Variants in TOGARAM2 observed in about 807,000 individuals in gnomAD.
The protein encoded by TOGARAM2 is TOG array regulator of axonemal microtubules 2, also known as TOG array regulator of axonemal microtubules protein 2.
Under a neutral mutation model 93.3 loss-of-function variants are expected in TOGARAM2, and 85 were observed. The observed-to-expected ratio is 0.91, with a 90% CI of 0.76 to 1.09. The LOEUF is 1.09. Among genes scored for constraint, TOGARAM2 ranks in the 50% least tolerant of loss-of-function variants. The probability of loss-of-function intolerance (pLI) is 0.00; values close to 1 mark genes in which losing one functional copy is unlikely to be tolerated. For synonymous variants in TOGARAM2, 593 were observed against 552.8 expected, an observed-to-expected ratio of 1.07 and a Z score of -1.02; for missense variants, 1,277 against 1,334.5, an observed-to-expected ratio of 0.96 and a Z score of 0.67.
chr2:28,959,490 A>G (rs1671771200), intron 1 of TOGARAM2, among the ~76,000 whole-genome samples: 1 of 152,228 alleles, frequency 6.6e-6, no homozygotes, highest in South Asian at 2.1e-4. Flanking sequence ...GCGGTGGCTC[A>G]TGCCTGTAAT....
At chr2:28,976,131 G>A (rs1299011237) in intron 1 of TOGARAM2, among the ~76,000 whole-genome samples, 1 of 152,216 alleles carries the variant, frequency 6.6e-6, no homozygotes, top group Non-Finnish European at 1.5e-5. Context: ...AGCACTTTGG[G>A]AGGCCGAGGT....
At position 29,014,406 on chromosome 2, in the gene TOGARAM2, T is replaced by C. The variant is rs754011890; in HGVS notation, c.889T>C (p.Leu297=). ...KTPASLEPKP[L]ASPIRDRPAA... is the part of the protein sequence containing the mutation. The stretch of plus-strand genomic sequence containing the variant: ...TCTCAACCCCTCAGAGCCAAAACCT[T>C]TGGCCTCACCCATCAGAGACAGGCC... The change falls in exon 8 of 20, where the codon TTG becomes CTG. Residue 297 remains leucine (L), a synonymous_variant. Coordinates refer to ENST00000379558, the MANE Select transcript of TOGARAM2 (RefSeq NM_199280.4). 28 of 1,610,564 alleles carry C rather than the reference T, an allele frequency of 1.7e-5. No individual in the cohort carries two copies. The South Asian group carries it at 3.1e-4, about 18-fold the overall frequency.
intron 10 of TOGARAM2, among the ~76,000 whole-genome samples, chr2:29,019,584 C>G (rs924146605): frequency 6.6e-6 from 1 of 152,198 alleles, no homozygotes; most frequent in African/African-American, 2.4e-5. Flanking sequence ...TAGACTGAGA[C>G]TTTGGCTAGT....
chr2:28,993,995 T>C (rs1245841577), intron 1 of TOGARAM2, among the ~76,000 whole-genome samples: 1 of 152,220 alleles, frequency 6.6e-6, no homozygotes, highest in African/African-American at 2.4e-5. Flanking sequence ...AGCACCTCTG[T>C]TACCTGTCAG....
At chr2:28,964,546 G>A (rs754010207) in intron 1 of TOGARAM2, among the ~76,000 whole-genome samples, 9 of 150,910 alleles carry the variant, frequency 6.0e-5, no homozygotes. Flanking sequence ...ATAGGTAAAC[G>A]TGTGCCACGG....
chr2:29,000,972 A>G (rs1342327908), intron 4 of TOGARAM2, among the ~76,000 whole-genome samples: 1 of 152,206 alleles, frequency 6.6e-6, no homozygotes, highest in Admixed American at 6.5e-5. Context: ...AAGTTCCAGC[A>G]TAGGGAAAAA....
chr2:29,028,795 C>T (rs1665568088), intron 14 of TOGARAM2, among the ~76,000 whole-genome samples: 3 of 152,150 alleles, frequency 2.0e-5, no homozygotes, highest in African/African-American at 7.2e-5. Context: ...CAACAGGATG[C>T]AGGTGGTAAG....
At chr2:28,961,571 T>C (rs1395193340) in intron 1 of TOGARAM2, among the ~76,000 whole-genome samples, 19 of 152,044 alleles carry the variant, frequency 1.2e-4, no homozygotes, top group Non-Finnish European at 2.2e-4. Context: ...GAACTCCTGA[T>C]CTCAAGTGAT....
At position 28,993,720 on chromosome 2, in the gene TOGARAM2, G is replaced by A. The variant is rs73922931; in HGVS notation, c.-110-1005G>A. Among the ~76,000 whole-genome samples the A allele has an allele frequency of 2.9e-3, 448 of 152,268 alleles. 2 individuals carry two copies. The highest frequency in any genetic ancestry group is 9.9e-3 in the African/African-American group (412 of 41,564). ...GCTGGGCTGGGTGCTGTGCTGGGCC[G>A]GGCACTGGGCTGGACACCTGTGTTT... On this transcript the variant is annotated intron_variant, in intron 1 of 19. Coordinates refer to ENST00000379558, the MANE Select transcript of TOGARAM2 (RefSeq NM_199280.4).
At chr2:29,050,406 T>C (rs1413750610) in intron 19 of TOGARAM2, 8 of 152,190 alleles carry the variant, frequency 5.3e-5, no homozygotes, top group African/African-American at 1.9e-4. Context: ...CTCTGAAATA[T>C]GGAATCCCTA....
At chr2:29,045,272 C>A in intron 18 of TOGARAM2, 52 bp from the exon 19 acceptor site, 3 of 1,475,194 alleles carry the variant, frequency 2.0e-6, no homozygotes, top group Non-Finnish European at 1.9e-6. Flanking sequence ...ACCCCTAGTG[C>A]TGTCACTCAG....
rs542382174 is a variant in TOGARAM2, at chr2:28,975,616, C to T, written c.-147+18919C>T. The stretch of plus-strand genomic sequence containing the variant: ...AATCCTCAAATCTGTGTCATCTGGG[C>T]GCTGCATCATTGATTGCCTCTTCTC... On this transcript the variant is annotated intron_variant, in intron 1 of 6. Coordinates refer to the TOGARAM2 transcript ENST00000401723. Among the ~76,000 whole-genome samples, 9 of 152,278 alleles carry T rather than the reference C, an allele frequency of 5.9e-5. No individual in the cohort carries two copies. In the East Asian group the frequency reaches 9.6e-4, roughly 16 times the overall value.
intron 1 of TOGARAM2, among the ~76,000 whole-genome samples, chr2:28,965,776 G>A (rs1251585734): frequency 1.3e-5 from 2 of 152,054 alleles, no homozygotes; most frequent in Non-Finnish European, 2.9e-5. Flanking sequence ...AACTGTTCTG[G>A]ATTCCAATAT....
chr2:28,977,566 C>T (rs903705948), upstream of TOGARAM2, among the ~76,000 whole-genome samples: 11 of 152,242 alleles, frequency 7.2e-5, no homozygotes, highest in South Asian at 2.1e-4. Context: ...GTTGCAGGGG[C>T]GGGGGCTTCT....
At chr2:29,033,630 A>G (rs2148372653) in intron 16 of TOGARAM2, 67 bp downstream of exon 16, 2 of 1,503,072 alleles carry the variant, frequency 1.3e-6, no homozygotes, top group Non-Finnish European at 1.8e-6. Context: ...CTGCTTGTCC[A>G]TGGCCAGGGG....
At chr2:29,041,634 C>G (rs1666444944) in intron 18 of TOGARAM2, among the ~76,000 whole-genome samples, 1 of 152,138 alleles carries the variant, frequency 6.6e-6, no homozygotes, top group South Asian at 2.1e-4. Context: ...GTGTAAGGCC[C>G]CTTAGACCTC....
intron 1 of TOGARAM2, among the ~76,000 whole-genome samples, chr2:28,994,286 G>C (rs1672881081): frequency 6.6e-6 from 1 of 152,072 alleles, no homozygotes; most frequent in Non-Finnish European, 1.5e-5. Context: ...CTGGAGAACT[G>C]GTGTCCGAGA....
At chr2:29,037,440 A>C (rs898235591) in intron 18 of TOGARAM2, among the ~76,000 whole-genome samples, 2 of 152,198 alleles carry the variant, frequency 1.3e-5, no homozygotes, top group African/African-American at 2.4e-5. Flanking sequence ...AGTACGAGGA[A>C]GCCATGGTCT....
intron 1 of TOGARAM2, among the ~76,000 whole-genome samples, chr2:28,988,916 C>T (rs1381024519): frequency 1.3e-5 from 2 of 152,192 alleles, no homozygotes; most frequent in African/African-American, 2.4e-5. Context: ...GCTCTCCTGG[C>T]GCCAACTCCC....
Sources: allele counts gnomAD v4.1 joint callset (sites outside exome capture counted in the v4.1 genomes callset), GRCh38; gene constraint gnomAD v4.1.1; transcripts MANE v1.5; gene names NCBI Gene and HGNC (gene_info 2026-07-23, HGNC 2026-07-21).